The following FAM169A variants were observed in gnomAD, a reference collection of about 807,000 sequenced individuals.
FAM169A encodes family with sequence similarity 169 member A, also known as soluble lamin-associated protein of 75 kDa.
In FAM169A, 24 loss-of-function variants were observed where a neutral mutation model predicts 75.7. The ratio of observed to expected loss-of-function variants is 0.32; its 90% CI spans 0.23 to 0.45. The LOEUF is 0.45. Among genes scored for constraint, FAM169A ranks in the 20% least tolerant of loss-of-function variants. FAM169A has a pLI of 1.00. For synonymous variants in FAM169A, 271 were observed against 271.0 expected (o/e 1.00, Z 0.00); for missense variants, 673 against 784.0 (o/e 0.86, Z 1.69).
At chr5:74,838,366 G>A (rs1020580324) in intron 4 of FAM169A, among the ~76,000 whole-genome samples, 1 of 151,900 alleles carries the variant, frequency 6.6e-6, no homozygotes, top group Admixed American at 6.6e-5. Context: ...CCTCAAATAT[G>A]TTACATCTTG....
chr5:74,800,264 G>GT (rs60057008), intron 10 of FAM169A, among the ~76,000 whole-genome samples: 213 of 148,130 alleles, frequency 1.4e-3, no homozygotes, highest in South Asian at 4.3e-3. Flanking sequence ...GTTTTTGTTT[G>GT]TTTTTTTTTT....
In FAM169A at chr5:74,813,929, A is replaced by G. The variant is rs776688750; in HGVS notation, c.581T>C (p.Phe194Ser). 1 of 1,608,954 alleles carries G rather than the reference A, an allele frequency of 6.2e-7. No individual in the cohort carries two copies. The highest frequency in any genetic ancestry group is 8.5e-7 in the Non-Finnish European group (1 of 1,178,706). Residue 194 changes from phenylalanine (F) to serine (S), a missense_variant, in exon 6 of 13, where the codon TTT (phenylalanine) becomes TCT (serine). Phe to Ser is a radical substitution (Grantham distance 155). This residue lies in a region of FAM169A where 107 missense variants were observed against 180.8 expected (regional missense o/e 0.59). Transcript: ENST00000687041. The part of the protein sequence containing the change: ...FLRKKYRGKD[F>S]GLHMLEDFVD... ...AAAGTCCTCCAGCATGTGAAGCCCA[A>G]AATCTTTACCTCTGTATTTCTTTCT...
At position 74,805,062 on chromosome 5, in the gene FAM169A, G is replaced by C. The variant is rs186749325; in HGVS notation, c.799+94C>G. On this transcript the variant is annotated intron_variant, in intron 7 of 12. Coordinates refer to ENST00000687041, the MANE Select transcript of FAM169A (RefSeq NM_001376049.1). ...GGACTCTAAGACACAACCATTATTA[G>C]CCTCTGCTTTTTAAACTGGACTTAT... 2.9e-6 allele frequency: 3 copies of C among 1,018,238 alleles called. No individual in the cohort carries two copies. In the East Asian group the frequency reaches 7.2e-5, roughly 24 times the overall value. The allele number at this position is 1,018,238 out of a possible 1,614,324, so 63.1% of individuals were successfully genotyped here.
chr5:74,812,872 T>A (rs1449291661), intron 6 of FAM169A, among the ~76,000 whole-genome samples: 1 of 152,172 alleles, frequency 6.6e-6, no homozygotes, highest in Non-Finnish European at 1.5e-5. Context: ...TTGGTGAGGA[T>A]GAAGATGTGG....
intron 5 of FAM169A, among the ~76,000 whole-genome samples, chr5:74,827,427 C>T (rs1381856036): frequency 6.6e-6 from 1 of 151,888 alleles, no homozygotes; most frequent in Non-Finnish European, 1.5e-5. Context: ...TATTTTTATG[C>T]ATGGAAGTTT....
chr5:74,847,863 A>G (rs1014436432), intron 1 of FAM169A, among the ~76,000 whole-genome samples: 1 of 152,156 alleles, frequency 6.6e-6, no homozygotes, highest in African/African-American at 2.4e-5. Context: ...TCATATACAA[A>G]ATGTTACTTA....
intron 1 of FAM169A, among the ~76,000 whole-genome samples, chr5:74,860,961 C>A (rs936278923): frequency 4.6e-5 from 7 of 151,566 alleles, no homozygotes; most frequent in Non-Finnish European, 2.9e-5. Flanking sequence ...CATGGTGAAA[C>A]CCCGTATCTA....
At chr5:74,813,627 T>C (rs538731319) in intron 6 of FAM169A, among the ~76,000 whole-genome samples, 6 of 152,188 alleles carry the variant, frequency 3.9e-5, no homozygotes, top group Non-Finnish European at 5.9e-5. Context: ...TGCCCGGCAA[T>C]TGTATGGTAT....
At chr5:74,795,952 CT>C in intron 11 of FAM169A, 77 bp downstream of exon 11, 1 of 1,449,948 alleles carries the variant, frequency 6.9e-7, no homozygotes, top group Non-Finnish European at 9.4e-7. Flanking sequence ...TATCGCTATA[CT>C]TTTCTAACAA....
At chr5:74,813,012 C>T (rs901313226) in intron 6 of FAM169A, among the ~76,000 whole-genome samples, 10 of 152,122 alleles carry the variant, frequency 6.6e-5, no homozygotes, top group African/African-American at 1.4e-4. Context: ...TACTAATTTA[C>T]GTACAACAAG....
At chr5:74,837,777 T>C (rs1748643494) in intron 4 of FAM169A, among the ~76,000 whole-genome samples, 2 of 152,084 alleles carry the variant, frequency 1.3e-5, no homozygotes, top group Admixed American at 1.3e-4. Context: ...ATCCTAGAAG[T>C]GTTCTAAAGG....
At chr5:74,857,389 A>C (rs1749766400) in intron 1 of FAM169A, among the ~76,000 whole-genome samples, 1 of 151,702 alleles carries the variant, frequency 6.6e-6, no homozygotes, top group East Asian at 1.9e-4. Context: ...CGTCTCTACA[A>C]AAAATACAAA....
At chr5:74,801,978 G>T (rs759963853) in intron 8 of FAM169A, among the ~76,000 whole-genome samples, 26 of 151,784 alleles carry the variant, frequency 1.7e-4, no homozygotes, top group Non-Finnish European at 3.8e-4. Context: ...CTTTCTTCCT[G>T]ATTTCCAAAG....
At chr5:74,841,783 C>A (rs746926244) in intron 1 of FAM169A, 104 bp from the exon 2 acceptor site, 143 of 1,041,276 alleles carry the variant, frequency 1.4e-4, no homozygotes, top group Non-Finnish European at 1.8e-4. Flanking sequence ...TTTGTTATAA[C>A]AAGATTTTTC....
At chr5:74,806,963 A>G (rs1049005005) in intron 6 of FAM169A, among the ~76,000 whole-genome samples, 1 of 152,058 alleles carries the variant, frequency 6.6e-6, no homozygotes, top group Non-Finnish European at 1.5e-5. Context: ...CACCTGCAGG[A>G]TATGACAAGC....
At chr5:74,833,915 G>A (rs1748444623) in intron 5 of FAM169A, among the ~76,000 whole-genome samples, 2 of 152,170 alleles carry the variant, frequency 1.3e-5, no homozygotes, top group African/African-American at 4.8e-5. Context: ...CCAAACTTTA[G>A]ACTAACAATT....
In FAM169A at chr5:74,841,531, G is replaced by T; in HGVS notation, c.132+14C>A. 6.2e-7 allele frequency: 1 copy of T among 1,602,150 alleles called. No homozygotes were observed. Among genetic ancestry groups the T allele is most frequent in the Non-Finnish European group, 8.5e-7 (1 of 1,172,710 alleles). On this transcript the variant is annotated intron_variant, in intron 2 of 12. Transcript: ENST00000687041. ...ACTGAAAAGATTGATGACAATCACTGCAGAACACCTTACCGTAATATTGAG... is the reference window on the plus strand; with the variant it reads ...ACTGAAAAGATTGATGACAATCACTTCAGAACACCTTACCGTAATATTGAG...
chr5:74,818,530 C>A (rs896785705), intron 5 of FAM169A, among the ~76,000 whole-genome samples: 1 of 152,012 alleles, frequency 6.6e-6, no homozygotes, highest in Non-Finnish European at 1.5e-5. Context: ...TGAATTATAA[C>A]CGGATGAATC....
chr5:74,864,377 T>C (rs1228473151), intron 1 of FAM169A, among the ~76,000 whole-genome samples: 2 of 152,174 alleles, frequency 1.3e-5, no homozygotes, highest in East Asian at 1.9e-4. Flanking sequence ...ATTACAGGCA[T>C]GTGCCACCAC....
Sources: allele counts gnomAD v4.1 joint callset (sites outside exome capture counted in the v4.1 genomes callset), GRCh38; gene constraint gnomAD v4.1.1; regional missense constraint gnomAD v4.1.1; transcripts MANE v1.5; gene names NCBI Gene and HGNC (gene_info 2026-07-23, HGNC 2026-07-21).